Variants in NF1 observed in about 807,000 individuals in gnomAD.
The protein encoded by NF1 is neurofibromin 1.
A neutral mutation model predicts 325.7 loss-of-function variants in NF1; 122 were observed. That is an observed-to-expected ratio of 0.37 (90% CI 0.32 to 0.44). NF1 has a LOEUF of 0.44. NF1 is among the 20% of genes least tolerant of loss of function. NF1 has a pLI of 1.00. For synonymous variants in NF1, 1,091 were observed against 1,186.0 expected (o/e 0.92, Z 1.65); for missense variants, 2,140 against 3,415.4 (o/e 0.63, Z 9.31).
intron 8 of NF1, among the ~76,000 whole-genome samples, chr17:31,191,501 C>T (rs2066341993): frequency 6.6e-6 from 1 of 151,872 alleles, no homozygotes; most frequent in Non-Finnish European, 1.5e-5. Context: ...AAATATTATG[C>T]TAAGTGAAAG....
rs1231073136 is a variant in NF1 at position 31,340,387 on chromosome 17, A to G, written c.6922-118A>G. The G allele has an allele frequency of 2.3e-5, 31 of 1,339,800 alleles. No homozygotes were observed. In the Admixed American group the frequency reaches 5.5e-4, roughly 24 times the overall value. 83.0% of individuals were successfully genotyped at this position (1,339,800 alleles called of 1,614,324 possible). On this transcript the variant is annotated intron_variant, in intron 46 of 57. Coordinates refer to ENST00000358273, the MANE Select transcript of NF1 (RefSeq NM_001042492.3). Reference sequence around the variant, plus strand: ...CTTACTCATATCTTTATCTTCCCCAAAAGAGAAAACATGGGTAATTTAGGA... The same window carrying G: ...CTTACTCATATCTTTATCTTCCCCAGAAGAGAAAACATGGGTAATTTAGGA...
intron 29 of NF1, among the ~76,000 whole-genome samples, chr17:31,246,835 G>A (rs568615884): frequency 1.1e-4 from 17 of 152,186 alleles, no homozygotes; most frequent in Admixed American, 6.5e-4. Context: ...TTTAAACCTA[G>A]TAAGTCTGCC....
Position 31,375,411 on chromosome 17 carries a change from G to T in NF1, c.*1256G>T, listed in dbSNP as rs998878940. The T allele has an allele frequency of 1.7e-5, 4 of 231,412 alleles. No homozygotes were observed. The highest frequency in any genetic ancestry group is 2.6e-5 in the Non-Finnish European group (3 of 116,746). The allele number at this position is 231,412 out of a possible 1,614,324, so 14.3% of individuals were successfully genotyped here. A position where few individuals can be genotyped will look rare whatever the true frequency, so the allele number is the denominator to read the frequency against. On this transcript the variant is annotated 3_prime_UTR_variant, in exon 58 of 58. Transcript: ENST00000358273. Reference sequence around the variant, plus strand: ...CAGTAGGGGGGCTGTTAGAATTGCTGCTATACTGGTGGTATGGATTATCAT... The same window carrying T: ...CAGTAGGGGGGCTGTTAGAATTGCTTCTATACTGGTGGTATGGATTATCAT...
At chr17:31,146,037 A>G (rs1916561498) in intron 1 of NF1, among the ~76,000 whole-genome samples, 1 of 152,206 alleles carries the variant, frequency 6.6e-6, no homozygotes, top group Non-Finnish European at 1.5e-5. Context: ...TTGCTGTGTA[A>G]CAAACTACCA....
intron 8 of NF1, among the ~76,000 whole-genome samples, chr17:31,199,930 G>A (rs1362148553): frequency 6.6e-6 from 1 of 152,126 alleles, no homozygotes; most frequent in African/African-American, 2.4e-5. Flanking sequence ...GAGCCCAGGG[G>A]TTCAAGACCA....
chr17:31,310,945 T>C (rs2068857301), intron 36 of NF1, among the ~76,000 whole-genome samples: 1 of 151,692 alleles, frequency 6.6e-6, no homozygotes, highest in African/African-American at 2.4e-5. Context: ...ATGTTCTTTT[T>C]TTTTTTTTTT....
In NF1 at chr17:31,098,730, G is replaced by A. The variant is rs901422354; in HGVS notation, c.60+3361G>A. Among the ~76,000 whole-genome samples the A allele has an allele frequency of 2.6e-5, 4 of 151,944 alleles. No individual in the cohort carries two copies. In the East Asian group the frequency reaches 5.8e-4, roughly 22 times the overall value. On this transcript the variant is annotated intron_variant, in intron 1 of 57. Transcript: ENST00000358273. ...GGGCCGATCATGAGGTCAGGAGATC[G>A]AGACCATCCTGGCTAACACAGTGAA...
At chr17:31,242,022 G>GT (rs554035471) in intron 29 of NF1, among the ~76,000 whole-genome samples, 235 of 146,298 alleles carry the variant, frequency 1.6e-3, no homozygotes, top group Middle Eastern at 7.2e-3. Context: ...TAAGGTAAAA[G>GT]TTTTTTTTTT....
chr17:31,271,296 A>C (rs2067889842), intron 36 of NF1, among the ~76,000 whole-genome samples: 1 of 152,238 alleles, frequency 6.6e-6, no homozygotes, highest in Non-Finnish European at 1.5e-5. Flanking sequence ...TCATTGGCGC[A>C]ATATCATTAT....
At chr17:31,243,213 T>TGTGTGTG (rs57229549) in intron 29 of NF1, among the ~76,000 whole-genome samples, 5 of 150,856 alleles carry the variant, frequency 3.3e-5, no homozygotes, top group South Asian at 2.1e-4. Context: ...TGTGTGTGTG[T>TGTGTGTG]TGAGCTGCCT....
intron 36 of NF1, among the ~76,000 whole-genome samples, chr17:31,274,649 G>A (rs79860359): frequency 0.026 from 3,925 of 152,144 alleles, 193 homozygotes; most frequent in African/African-American, 0.089. Context: ...TCGGAGTACT[G>A]CAGTAATTTA....
chr17:31,360,438 AT>A, intron 56 of NF1, 48 bp from the exon 57 acceptor site: 1 of 1,532,072 alleles, frequency 6.5e-7, no homozygotes, highest in Non-Finnish European at 9.0e-7. Context: ...TCAGATGGGG[AT>A]TTACTTAAAA....
chr17:31,347,201 G>A (rs1047636972), intron 48 of NF1, among the ~76,000 whole-genome samples: 3 of 150,586 alleles, frequency 2.0e-5, no homozygotes, highest in Non-Finnish European at 3.0e-5. Context: ...GTTTCTATTC[G>A]GGACAATAAA....
chr17:31,110,260 AT>A (rs1567793999), intron 1 of NF1, among the ~76,000 whole-genome samples: 1 of 152,214 alleles, frequency 6.6e-6, no homozygotes, highest in Non-Finnish European at 1.5e-5. Context: ...ACTAAAAAAA[AT>A]ATTGGAGAGC....
intron 36 of NF1, chr17:31,314,169 G>A (rs895717160): frequency 5.1e-6 from 2 of 393,818 alleles, no homozygotes; most frequent in African/African-American, 4.1e-5. Context: ...AAACCACAAA[G>A]TGACTAAGAA....
intron 11 of NF1, among the ~76,000 whole-genome samples, chr17:31,202,259 TTA>T (rs1820823270): frequency 6.6e-6 from 1 of 152,196 alleles, no homozygotes; most frequent in African/African-American, 2.4e-5. Flanking sequence ...ATACTCACAT[TTA>T]TGGGTAAATT....
intron 8 of NF1, among the ~76,000 whole-genome samples, chr17:31,184,666 A>T (rs8064906): frequency 0.64 from 89,312 of 139,604 alleles, 28,770 homozygotes; most frequent in Middle Eastern, 0.77. Context: ...AAAATAAAAA[A>T]AAAAAATAAA....
At chr17:31,303,440 T>C (rs759810316) in intron 36 of NF1, among the ~76,000 whole-genome samples, 3 of 152,190 alleles carry the variant, frequency 2.0e-5, no homozygotes, top group Non-Finnish European at 4.4e-5. Context: ...AGTATAAGTT[T>C]AGTAAAAAGT....
Position 31,226,335 on chromosome 17 carries a change from A to G in NF1, c.2002-100A>G. On this transcript the variant is annotated intron_variant, in intron 17 of 57. Coordinates refer to ENST00000358273, the MANE Select transcript of NF1 (RefSeq NM_001042492.3). The stretch of plus-strand genomic sequence containing the variant: ...TATGCGGAGACACACACACACACAC[A>G]CACACACACACACACACACACACAG... The G allele has an allele frequency of 3.0e-6, 4 of 1,351,684 alleles. No individual in the cohort carries two copies. The South Asian group carries it at 5.0e-5, about 17-fold the overall frequency. 83.7% of individuals were successfully genotyped at this position (1,351,684 alleles called of 1,614,324 possible).
Sources: allele counts gnomAD v4.1 joint callset (sites outside exome capture counted in the v4.1 genomes callset), GRCh38; gene constraint gnomAD v4.1.1; transcripts MANE v1.5; gene names NCBI Gene and HGNC (gene_info 2026-07-23, HGNC 2026-07-21).